The following ADGRL3 variants were observed in gnomAD, a reference collection of about 807,000 sequenced individuals.
ADGRL3 encodes adhesion G protein-coupled receptor L3, also known as calcium-independent alpha-latrotoxin receptor 3.
In ADGRL3, 62 loss-of-function variants were observed where a neutral mutation model predicts 153.5. The observed-to-expected ratio is 0.40, with a 90% CI of 0.33 to 0.50. The LOEUF (loss-of-function observed/expected upper bound fraction) is 0.50. Among genes scored for constraint, ADGRL3 ranks in the 20% least tolerant of loss-of-function variants. The probability of loss-of-function intolerance (pLI) is 0.47; values close to 1 mark genes in which losing one functional copy is unlikely to be tolerated. For missense variants in ADGRL3, 1,641 were observed against 1,859.4 expected (o/e 0.88, Z 2.16); for synonymous variants, 710 against 672.5 (o/e 1.06, Z -0.86).
intron 6 of ADGRL3, among the ~76,000 whole-genome samples, chr4:61,682,857 A>G (rs955582971): frequency 6.6e-6 from 1 of 152,138 alleles, no homozygotes; most frequent in Non-Finnish European, 1.5e-5. Flanking sequence ...TCTATTGAGT[A>G]CCTACTGCAT....
At chr4:61,316,060 G>T (rs941581913) in intron 1 of ADGRL3, among the ~76,000 whole-genome samples, 6 of 152,146 alleles carry the variant, frequency 3.9e-5, no homozygotes, top group African/African-American at 1.4e-4. Context: ...ATGAAAAAAA[G>T]TATAAATAAC....
intron 8 of ADGRL3, among the ~76,000 whole-genome samples, chr4:61,797,271 A>G (rs1198581181): frequency 1.3e-5 from 2 of 152,152 alleles, no homozygotes; most frequent in African/African-American, 2.4e-5. Flanking sequence ...ACATTTTATT[A>G]TGTATGAAGA....
intron 18 of ADGRL3, among the ~76,000 whole-genome samples, chr4:61,983,138 A>AT (rs536493776): frequency 3.3e-5 from 5 of 150,748 alleles, no homozygotes; most frequent in Non-Finnish European, 5.9e-5. Context: ...TCTAAGTATT[A>AT]TTTTTTTTAT....
Position 61,450,023 on chromosome 4 carries a change from C to T in ADGRL3, c.-173-47098C>T, listed in dbSNP as rs145324181. Among the ~76,000 whole-genome samples the T allele has an allele frequency of 4.0e-3, 611 of 152,214 alleles. 6 individuals carry two copies. Among genetic ancestry groups the T allele is most frequent in the African/African-American group, 0.014 (570 of 41,534 alleles). ...TTTTGAGTTTTGTTTTACAGTTGAT[C>T]AGTAACCAATTTATTGAAGCCACGT... On this transcript the variant is annotated intron_variant, in intron 2 of 26. Coordinates refer to ENST00000683033, the MANE Select transcript of ADGRL3 (RefSeq NM_001387552.1).
chr4:61,614,164 G>T (rs942207877), intron 5 of ADGRL3, among the ~76,000 whole-genome samples: 3 of 152,152 alleles, frequency 2.0e-5, no homozygotes, highest in Non-Finnish European at 4.4e-5. Flanking sequence ...CAGCACAGAA[G>T]TGAAAATTGT....
intron 2 of ADGRL3, among the ~76,000 whole-genome samples, chr4:61,392,350 C>T (rs1442029009): frequency 6.6e-6 from 1 of 151,898 alleles, no homozygotes; most frequent in South Asian, 2.1e-4. Flanking sequence ...GTCAAGTGCC[C>T]TTCAGAATTT....
intron 5 of ADGRL3, among the ~76,000 whole-genome samples, chr4:61,671,825 C>T (rs1259635009): frequency 1.3e-5 from 2 of 152,098 alleles, no homozygotes; most frequent in Admixed American, 1.3e-4. Flanking sequence ...TCCCACAAGA[C>T]AGCAGTATCA....
At chr4:61,733,855 T>C (rs2096473873) in intron 8 of ADGRL3, among the ~76,000 whole-genome samples, 1 of 152,198 alleles carries the variant, frequency 6.6e-6, no homozygotes, top group Non-Finnish European at 1.5e-5. Flanking sequence ...CACAAAACCA[T>C]TGCTAAAATA....
chr4:61,242,343 G>A (rs1577957284), intron 1 of ADGRL3, among the ~76,000 whole-genome samples: 1 of 151,972 alleles, frequency 6.6e-6, no homozygotes, highest in Non-Finnish European at 1.5e-5. Flanking sequence ...TAAATGAGGT[G>A]AATGAATGTC....
At position 61,561,824 on chromosome 4, in the gene ADGRL3, G is replaced by T. The variant is rs145988683; in HGVS notation, c.260-25403G>T. Among the ~76,000 whole-genome samples the T allele has an allele frequency of 6.3e-3, 958 of 151,950 alleles. 15 individuals carry two copies. The highest frequency in any genetic ancestry group is 0.022 in the African/African-American group (908 of 41,420). Reference sequence around the variant, plus strand: ...TATTATTATTATTATTATTTTGGGAGGGATGAGTCCTCACTATGTTGCCCA... The same window carrying T: ...TATTATTATTATTATTATTTTGGGATGGATGAGTCCTCACTATGTTGCCCA... On this transcript the variant is annotated intron_variant, in intron 4 of 26. Transcript: ENST00000683033.
At chr4:61,391,380 G>A (rs2096800112) in intron 2 of ADGRL3, among the ~76,000 whole-genome samples, 1 of 152,074 alleles carries the variant, frequency 6.6e-6, no homozygotes, top group Non-Finnish European at 1.5e-5. Context: ...ACCTCAAGAA[G>A]GGTACCAAGC....
At chr4:61,428,941 C>T (rs188619645) in intron 2 of ADGRL3, among the ~76,000 whole-genome samples, 3 of 150,424 alleles carry the variant, frequency 2.0e-5, no homozygotes, top group African/African-American at 7.4e-5. Flanking sequence ...ATCTATCTAT[C>T]TGTCATTCCA....
intron 2 of ADGRL3, among the ~76,000 whole-genome samples, chr4:61,465,919 C>T (rs1020387977): frequency 6.6e-6 from 1 of 151,584 alleles, no homozygotes; most frequent in Non-Finnish European, 1.5e-5. Flanking sequence ...CTCAGGTGTT[C>T]GAGACCAGCT....
At chr4:61,756,584 C>A (rs1164610531) in intron 8 of ADGRL3, among the ~76,000 whole-genome samples, 3 of 152,166 alleles carry the variant, frequency 2.0e-5, no homozygotes, top group African/African-American at 7.2e-5. Flanking sequence ...ATTTCACTTC[C>A]TCTTTTCCTA....
At chr4:61,580,179 A>G (rs1449641754) in intron 4 of ADGRL3, among the ~76,000 whole-genome samples, 1 of 149,150 alleles carries the variant, frequency 6.7e-6, no homozygotes, top group Non-Finnish European at 1.5e-5. Context: ...AAACTCTTTT[A>G]GAATCATTAG....
chr4:61,810,394 A>G (rs2148573275), intron 8 of ADGRL3, among the ~76,000 whole-genome samples: 1 of 152,252 alleles, frequency 6.6e-6, no homozygotes, highest in East Asian at 1.9e-4. Context: ...CTCATCCTAA[A>G]ATGTAGATTC....
rs535504324 is a variant in ADGRL3, at chr4:61,678,171, A to G, written c.583+1236A>G. ...ATTGTTCACTAGTGATATTTTAAGG[A>G]AATAAAATTTGTAAACCATCCTGGA... On this transcript the variant is annotated intron_variant, in intron 6 of 26. Coordinates refer to ENST00000683033, the MANE Select transcript of ADGRL3 (RefSeq NM_001387552.1). Among the ~76,000 whole-genome samples the G allele has an allele frequency of 2.0e-5, 3 of 152,110 alleles. No homozygotes were observed. In the East Asian group the frequency reaches 5.8e-4, roughly 29 times the overall value.
At chr4:61,442,161 C>A (rs1157965847) in intron 2 of ADGRL3, among the ~76,000 whole-genome samples, 9 of 152,070 alleles carry the variant, frequency 5.9e-5, no homozygotes, top group Admixed American at 5.9e-4. Flanking sequence ...AATGTTAGTT[C>A]AAGTAAAATA....
chr4:61,572,252 A>G (rs1238452586), intron 4 of ADGRL3, among the ~76,000 whole-genome samples: 3 of 152,252 alleles, frequency 2.0e-5, no homozygotes, highest in African/African-American at 7.2e-5. Flanking sequence ...ATATTATCCC[A>G]GTGGGTTTGT....
Sources: gnomAD v4.1 joint callset for allele counts (sites outside exome capture counted in the v4.1 genomes callset) on GRCh38, gnomAD v4.1.1 for gene constraint, MANE v1.5 for transcripts, NCBI Gene and HGNC (gene_info 2026-07-23, HGNC 2026-07-21) for gene names.